ADA2: variants seen among roughly 807,000 people sequenced by gnomAD.
The protein encoded by ADA2 is adenosine deaminase CECR1.
Under a neutral mutation model 44.2 loss-of-function variants are expected in ADA2, and 29 were observed. The ratio of observed to expected loss-of-function variants is 0.66; its 90% CI spans 0.49 to 0.89. The LOEUF is 0.89. Ranked by LOEUF, ADA2 falls within the 40% of genes least tolerant of loss-of-function variation. The pLI, the probability that ADA2 is intolerant of heterozygous loss-of-function variation, is 0.00. For missense variants in ADA2, 637 were observed against 644.8 expected (o/e 0.99, Z 0.13); for synonymous variants, 215 against 234.9 (o/e 0.92, Z 0.77).
chr22:17,209,889 A>ATTTTT (rs532707544), intron 1 of ADA2, 166 bp from the exon 2 acceptor site: 7 of 402,162 alleles, frequency 1.7e-5, no homozygotes, highest in Admixed American at 4.5e-5. Flanking sequence ...GGGTTTCCCA[A>ATTTTT]TTTTTTTTTT....
intron 1 of ADA2, among the ~76,000 whole-genome samples, chr22:17,211,195 C>T (rs568680827): frequency 6.2e-4 from 94 of 151,826 alleles, no homozygotes; most frequent in Non-Finnish European, 1.1e-3. Context: ...ACCCGTCCTA[C>T]TAAAAATACA....
chr22:17,221,143 A>C, upstream of ADA2, among the ~76,000 whole-genome samples: 1 of 130,336 alleles, frequency 7.7e-6, no homozygotes, highest in East Asian at 2.0e-4. Context: ...ATTTTGTCTC[A>C]AAAAAAAAAA....
In ADA2 at chr22:17,215,618, A is replaced by G. The variant is rs1278970121; in HGVS notation, c.-47+3738T>C. ...AAGACTCCGTCTCAAAAAAAAAAAA[A>G]GAAAAAAGAAATCACGTCATTTGCA... On this transcript the variant is annotated intron_variant, in intron 1 of 9. Transcript: ENST00000399837. 2.6e-5 allele frequency among the ~76,000 whole-genome samples: 4 copies of G among 151,628 alleles called. No individual in the cohort carries two copies. The East Asian group carries it at 7.8e-4, about 30-fold the overall frequency.
Position 17,203,738 on chromosome 22 carries a change from G to T in ADA2, c.578C>A (p.Pro193Gln), listed in dbSNP as rs199567025. ...LRNFTLVTQH[P>Q]EVIYTNQNVV... ...ATTTTGGTTTGTGTAAATCACCTCCGGGTGCTGGGTCACCAGAGTGAAATT... is the reference window on the plus strand; with the variant it reads ...ATTTTGGTTTGTGTAAATCACCTCCTGGTGCTGGGTCACCAGAGTGAAATT... The change falls in exon 4 of 10, where the codon CCG (proline) becomes CAG (glutamine). Residue 193 changes from proline (P) to glutamine (Q), a missense_variant. Physicochemically the swap from Pro to Gln is moderately conservative, Grantham distance 76. Transcript: ENST00000399837. The T allele has an allele frequency of 6.2e-7, 1 of 1,613,970 alleles. No homozygotes were observed. Among genetic ancestry groups the T allele is most frequent in the East Asian group, 2.2e-5 (1 of 44,882 alleles).
At chr22:17,216,417 T>C (rs2062472321) in intron 1 of ADA2, among the ~76,000 whole-genome samples, 1 of 151,760 alleles carries the variant, frequency 6.6e-6, no homozygotes, top group Non-Finnish European at 1.5e-5. Context: ...AAATAAGTTC[T>C]AATGTTTCAT....
Position 17,209,694 on chromosome 22 carries a change from G to A in ADA2, c.-17C>T, listed in dbSNP as rs772409352. The A allele has an allele frequency of 1.9e-6, 3 of 1,605,000 alleles. No homozygotes were observed. Among genetic ancestry groups the A allele is most frequent in the Admixed American group, 1.7e-5 (1 of 59,748 alleles). ...CACCAACATCGGGATGCCTGGACTA[G>A]GAAAGGGCTCAGATGGAGACTCCAC... On this transcript the variant is annotated 5_prime_UTR_variant, in exon 2 of 10. Transcript: ENST00000399837.
intron 1 of ADA2, among the ~76,000 whole-genome samples, chr22:17,212,083 G>A (rs1336051427): frequency 6.6e-6 from 1 of 151,806 alleles, no homozygotes; most frequent in Non-Finnish European, 1.5e-5. Context: ...GGAGTACAAT[G>A]GCGCGATCTC....
At chr22:17,199,998 C>A (rs1461840142) in intron 4 of ADA2, among the ~76,000 whole-genome samples, 1 of 152,092 alleles carries the variant, frequency 6.6e-6, no homozygotes, top group African/African-American at 2.4e-5. Context: ...AGTTCGAAAC[C>A]AGCCTGGCCA....
At chr22:17,199,414 T>TATC in intron 4 of ADA2, 1 of 894,994 alleles carries the variant, frequency 1.1e-6, no homozygotes, top group South Asian at 1.4e-5. Context: ...TGTCTCAGCG[T>TATC]CTCCTCCCTC....
chr22:17,215,731 G>C (rs1257956070), intron 1 of ADA2, among the ~76,000 whole-genome samples: 6 of 152,188 alleles, frequency 3.9e-5, no homozygotes, highest in African/African-American at 1.2e-4. Flanking sequence ...ACTCATGTGT[G>C]AGAGCTAAGG....
intron 3 of ADA2, 43 bp downstream of exon 3, chr22:17,207,028 C>T: frequency 6.7e-7 from 1 of 1,498,508 alleles, no homozygotes. Context: ...CACTGCCACC[C>T]CATGACAGGC....
upstream of ADA2, among the ~76,000 whole-genome samples, chr22:17,220,708 C>G (rs2062516926): frequency 6.6e-6 from 1 of 152,110 alleles, no homozygotes; most frequent in Non-Finnish European, 1.5e-5. Flanking sequence ...CCCAAGACCC[C>G]AAATCTACCC....
At chr22:17,193,912 C>G (rs1270673362) in intron 4 of ADA2, among the ~76,000 whole-genome samples, 1 of 150,738 alleles carries the variant, frequency 6.6e-6, no homozygotes, top group Non-Finnish European at 1.5e-5. Flanking sequence ...AAAGAGCTCA[C>G]GCCTGTAATC....
chr22:17,182,957 A>G (rs532686115), intron 7 of ADA2, among the ~76,000 whole-genome samples, 196 bp from the exon 8 acceptor site: 1 of 152,314 alleles, frequency 6.6e-6, no homozygotes, highest in Admixed American at 6.5e-5. Flanking sequence ...GAGGTATGAT[A>G]TGGCTTTATT....
chr22:17,201,119 G>T (rs1243521984), intron 4 of ADA2, among the ~76,000 whole-genome samples: 1 of 151,650 alleles, frequency 6.6e-6, no homozygotes, highest in African/African-American at 2.4e-5. Flanking sequence ...TGAGGCACGA[G>T]AATCGCTTGA....
intron 2 of ADA2, among the ~76,000 whole-genome samples, chr22:17,208,445 GAA>G (rs112738666): frequency 7.8e-4 from 107 of 136,612 alleles, no homozygotes; most frequent in African/African-American, 1.7e-3. Context: ...GAAAAAAAAA[GAA>G]AAAAAAAAAA....
chr22:17,188,886 T>TATATATATATATATA (rs1491152456), intron 6 of ADA2, among the ~76,000 whole-genome samples: 21 of 59,592 alleles, frequency 3.5e-4, no homozygotes, highest in Non-Finnish European at 5.4e-4. Context: ...TATATATATA[T>TATATATATATATATA]TTTGTAAAGA....
intron 4 of ADA2, among the ~76,000 whole-genome samples, chr22:17,198,402 T>C (rs550311211): frequency 6.6e-6 from 1 of 152,262 alleles, no homozygotes; most frequent in African/African-American, 2.4e-5. Context: ...AATGACAGCA[T>C]AGTCGGATGA....
intron 6 of ADA2, among the ~76,000 whole-genome samples, chr22:17,189,357 G>C (rs1013607301): frequency 2.0e-5 from 3 of 152,132 alleles, no homozygotes; most frequent in African/African-American, 7.2e-5. Context: ...AAATGTCCTG[G>C]TTGTGCTTCG....
Sources: allele counts gnomAD v4.1 joint callset (sites outside exome capture counted in the v4.1 genomes callset), GRCh38; gene constraint gnomAD v4.1.1; transcripts MANE v1.5; gene names NCBI Gene and HGNC (gene_info 2026-07-23, HGNC 2026-07-21).